KANK4: variants seen among roughly 807,000 people sequenced by gnomAD.
The protein encoded by KANK4 is KN motif and ankyrin repeat domains 4.
In KANK4, 50 loss-of-function variants were observed where a neutral mutation model predicts 80.8. The observed-to-expected ratio is 0.62, with a 90% CI of 0.49 to 0.78. KANK4 has a LOEUF of 0.78. Ranked by LOEUF, KANK4 falls within the 30% of genes least tolerant of loss-of-function variation. KANK4 has a pLI of 0.00. For missense variants in KANK4, 1,196 were observed against 1,240.1 expected, an observed-to-expected ratio of 0.96 and a Z score of 0.53; for synonymous variants, 465 against 506.9, an observed-to-expected ratio of 0.92 and a Z score of 1.11.
At chr1:62,281,769 G>C in intron 1 of KANK4, 135 bp from the exon 2 acceptor site, 1 of 632,322 alleles carries the variant, frequency 1.6e-6, no homozygotes, top group Admixed American at 2.6e-5. Context: ...AGCCCTCCAA[G>C]GAGGAAGATT....
chr1:62,297,015 G>A (rs1644371917), intron 1 of KANK4, among the ~76,000 whole-genome samples: 1 of 152,024 alleles, frequency 6.6e-6, no homozygotes, highest in African/African-American at 2.4e-5. Flanking sequence ...TCAGGAGTTT[G>A]AGACCAGCCT....
rs1341999639 is a variant in KANK4, at chr1:62,271,585, G to A, written c.1905C>T (p.Ile635=). The change falls in exon 4 of 10, where the codon ATC becomes ATT. Residue 635 remains isoleucine (I), a synonymous_variant. Coordinates refer to ENST00000371153, the MANE Select transcript of KANK4 (RefSeq NM_181712.5). ...TGGATTTAAGGCTGGTCGATGGGGAGATCTCTAGGCAGACACAACATCACA... is the reference window on the plus strand; with the variant it reads ...TGGATTTAAGGCTGGTCGATGGGGAAATCTCTAGGCAGACACAACATCACA... The part of the protein sequence containing the change: ...PASSSSPPVE[I]SPSTSLKSIM... 1.9e-6 allele frequency: 3 copies of A among 1,608,008 alleles called. No homozygotes were observed. Among genetic ancestry groups the A allele is most frequent in the Admixed American group, 1.7e-5 (1 of 60,006 alleles).
At chr1:62,314,408 G>C (rs935471876) in intron 1 of KANK4, among the ~76,000 whole-genome samples, 1 of 152,098 alleles carries the variant, frequency 6.6e-6, no homozygotes, top group South Asian at 2.1e-4. Context: ...TGAACTGAGC[G>C]CAGCGCCTGA....
intron 9 of KANK4, among the ~76,000 whole-genome samples, chr1:62,245,531 T>C (rs7553446): frequency 0.37 from 56,346 of 152,064 alleles, 10,985 homozygotes; most frequent in Non-Finnish European, 0.43. Flanking sequence ...CTTTGAATTG[T>C]GGCTGTTAAG....
At chr1:62,246,801 C>T (rs569381504) in intron 9 of KANK4, among the ~76,000 whole-genome samples, 2 of 150,964 alleles carry the variant, frequency 1.3e-5, no homozygotes, top group Admixed American at 6.6e-5. Context: ...CATGTTGTTG[C>T]CTAGGCTGGA....
rs1420040026 is a variant in KANK4, at chr1:62,278,320, T to TCTTTCTTC, written c.16+3228_16+3229insGAAGAAAG. On this transcript the variant is annotated intron_variant, in intron 2 of 9. Transcript: ENST00000371153. Reference sequence around the variant, plus strand: ...GGCATTTCCTGGGGCACATTTTCTTTCTTCCTTCCTTCCTTCCTTCCTTCC... The same window carrying TCTTTCTTC: ...GGCATTTCCTGGGGCACATTTTCTTTCTTTCTTCCTTCCTTCCTTCCTTCCTTCCTTCC... 1.8e-3 allele frequency among the ~76,000 whole-genome samples: 109 copies of TCTTTCTTC among 60,492 alleles called. 5 individuals carry two copies. The highest frequency in any genetic ancestry group is 9.9e-3 in the East Asian group (12 of 1,208). The allele number at this position is 60,492 out of a possible 152,430, so 39.7% of individuals were successfully genotyped here.
At chr1:62,295,578 G>C (rs1644357211) in intron 1 of KANK4, among the ~76,000 whole-genome samples, 1 of 152,218 alleles carries the variant, frequency 6.6e-6, no homozygotes, top group South Asian at 2.1e-4. Flanking sequence ...TGGGAGGAGA[G>C]AAATATAAAA....
At chr1:62,286,927 C>T (rs1165164187) in intron 1 of KANK4, among the ~76,000 whole-genome samples, 1 of 152,156 alleles carries the variant, frequency 6.6e-6, no homozygotes, top group South Asian at 2.1e-4. Flanking sequence ...CAAAACACAC[C>T]CAGTTCTGGC....
intron 9 of KANK4, among the ~76,000 whole-genome samples, chr1:62,241,350 G>A (rs906346389): frequency 5.3e-5 from 8 of 152,276 alleles, no homozygotes; most frequent in Admixed American, 3.9e-4. Context: ...GGGAGGCAGA[G>A]GAAGGAAGTG....
intron 1 of KANK4, among the ~76,000 whole-genome samples, chr1:62,290,911 A>AT (rs374030732): frequency 0.035 from 5,205 of 149,982 alleles, 279 homozygotes; most frequent in African/African-American, 0.12. Context: ...TGCCTGGCTA[A>AT]TTTTTTTTTT....
At chr1:62,264,108 C>T (rs931543325) in intron 6 of KANK4, among the ~76,000 whole-genome samples, 2 of 152,162 alleles carry the variant, frequency 1.3e-5, no homozygotes, top group Admixed American at 6.5e-5. Context: ...GTCACTGAAT[C>T]GATGTGACAC....
intron 1 of KANK4, among the ~76,000 whole-genome samples, chr1:62,306,430 T>C (rs17123434): frequency 0.16 from 24,649 of 152,202 alleles, 2,825 homozygotes; most frequent in East Asian, 0.42. Context: ...TATCTGGATA[T>C]GTATCTAGCT....
chr1:62,243,559 G>C (rs565683624), intron 9 of KANK4, among the ~76,000 whole-genome samples: 5 of 152,146 alleles, frequency 3.3e-5, no homozygotes, highest in Admixed American at 2.0e-4. Context: ...GGCTGGTCTT[G>C]AACTCCTGAC....
At chr1:62,288,059 A>C (rs1389896672) in intron 1 of KANK4, among the ~76,000 whole-genome samples, 2 of 152,190 alleles carry the variant, frequency 1.3e-5, no homozygotes, top group Non-Finnish European at 1.5e-5. Flanking sequence ...TGCAGATGGA[A>C]GAAAAGCCCT....
chr1:62,274,158 C>T lies in KANK4; in HGVS notation c.946G>A (p.Val316Ile). The T allele has an allele frequency of 1.9e-6, 3 of 1,614,160 alleles. No individual in the cohort carries two copies. Among genetic ancestry groups the T allele is most frequent in the Middle Eastern group, 1.6e-4 (1 of 6,062 alleles). Residue 316 changes from valine (V) to isoleucine (I), a missense_variant, in exon 3 of 10, where the codon GTA becomes ATA. Val to Ile is a conservative substitution (Grantham distance 29). Coordinates refer to ENST00000371153, the MANE Select transcript of KANK4 (RefSeq NM_181712.5). ...CCAATGCTTCTCATGTCCACCTCTA[C>T]AGGTGGCGGGGGTGGAATCTCGCTG... ...NISEIPPPPP[V>I]EVDMRSIGIR...
At chr1:62,294,658 C>T (rs1032619460) in intron 1 of KANK4, among the ~76,000 whole-genome samples, 3 of 152,178 alleles carry the variant, frequency 2.0e-5, no homozygotes, top group Admixed American at 6.5e-5. Context: ...GTGGAGAAAG[C>T]GATGTTTCCA....
Position 62,273,736 on chromosome 1 carries a change from C to T in KANK4, c.1368G>A (p.Trp456Ter). ...GHRGEENGLL[W>*]GPDGHKQGNQ... is the part of the protein sequence containing the mutation. The stretch of plus-strand genomic sequence containing the variant: ...TCCCTTGTTTATGACCATCTGGCCC[C>T]CATAGGAGGCCATTCTCCTCTCCTC... Residue 456 changes from tryptophan to a stop codon, truncating the protein, a stop_gained, in exon 3 of 10, where the codon TGG becomes TGA. Transcript: ENST00000371153. LOFTEE classifies it high-confidence loss of function. 1 of 1,614,100 alleles carries T rather than the reference C, an allele frequency of 6.2e-7. No individual in the cohort carries two copies.
At chr1:62,252,959 G>T in intron 8 of KANK4, 108 bp downstream of exon 8, 1 of 1,345,890 alleles carries the variant, frequency 7.4e-7, no homozygotes, top group Non-Finnish European at 1.0e-6. Flanking sequence ...CAGCCTCCTT[G>T]GGTTAAAAAC....
chr1:62,289,697 C>A (rs1282373907), intron 1 of KANK4, among the ~76,000 whole-genome samples: 2 of 152,184 alleles, frequency 1.3e-5, no homozygotes, highest in African/African-American at 4.8e-5. Flanking sequence ...GGAATCATAA[C>A]TATTATGATG....
Sources: gnomAD v4.1 joint callset for allele counts (sites outside exome capture counted in the v4.1 genomes callset) on GRCh38, gnomAD v4.1.1 for gene constraint, MANE v1.5 for transcripts, NCBI Gene and HGNC (gene_info 2026-07-23, HGNC 2026-07-21) for gene names.